Variants in ANK3 observed in about 807,000 individuals in gnomAD.
ANK3 encodes ankyrin 3, also known as ankyrin-3.
Under a neutral mutation model 370.9 loss-of-function variants are expected in ANK3, and 57 were observed. The observed-to-expected ratio is 0.15, with a 90% confidence interval of 0.12 to 0.19. The LOEUF (loss-of-function observed/expected upper bound fraction) is 0.19, where lower values mean the gene tolerates loss of function less well. Among genes scored for constraint, ANK3 ranks in the 10% least tolerant of loss-of-function variants. The pLI is 1.00. For missense variants in ANK3, 4,439 were observed against 5,302.1 expected, an observed-to-expected ratio of 0.84 and a Z score of 5.06; for synonymous variants, 1,929 against 1,946.3, an observed-to-expected ratio of 0.99 and a Z score of 0.23.
chr10:60,251,312 G>A (rs942574865), intron 7 of ANK3, among the ~76,000 whole-genome samples: 3 of 152,086 alleles, frequency 2.0e-5, no homozygotes, highest in African/African-American at 2.4e-5. Flanking sequence ...ACTTTCTGAG[G>A]AGCATCTCAG....
At chr10:60,053,819 A>G (rs1424110848) in intron 42 of ANK3, 14 of 1,029,466 alleles carry the variant, frequency 1.4e-5, no homozygotes, top group African/African-American at 1.7e-5. Context: ...TATAGCCACA[A>G]ACGATACATC....
chr10:60,040,418 T>C (rs553074770), intron 43 of ANK3, among the ~76,000 whole-genome samples: 20 of 152,190 alleles, frequency 1.3e-4, no homozygotes, highest in Non-Finnish European at 2.8e-4. Context: ...ACTCATTCCC[T>C]AAGTTCACTT....
chr10:60,136,228 A>G (rs940776461), intron 24 of ANK3, among the ~76,000 whole-genome samples: 1 of 152,100 alleles, frequency 6.6e-6, no homozygotes, highest in East Asian at 1.9e-4. Context: ...ACTTTATCCT[A>G]TGAAGGGGAT....
intron 1 of ANK3, among the ~76,000 whole-genome samples, chr10:60,282,174 T>C (rs2098173006): frequency 6.6e-6 from 1 of 152,160 alleles, no homozygotes; most frequent in South Asian, 2.1e-4. Flanking sequence ...TCTGCCTGGA[T>C]ATTTCAACTG....
chr10:60,213,739 G>A lies in ANK3; in HGVS notation c.898-229C>T, dbSNP rs11819367. Among the ~76,000 whole-genome samples the A allele has an allele frequency of 8.2e-3, 1,244 of 152,182 alleles. 15 individuals are homozygous for A. Among genetic ancestry groups the A allele is most frequent in the South Asian group, 0.022 (108 of 4,820 alleles). ...ATTTCCCACAAGTTTGAATATTGAC[G>A]TTTAAATATATAACTTTTCCACTAG... is the stretch of plus-strand genomic sequence containing the variant. On this transcript the variant is annotated intron_variant, in intron 8 of 43. Transcript: ENST00000280772.
chr10:60,551,228 C>T (rs554094464), intron 2 of ANK3, among the ~76,000 whole-genome samples: 1 of 152,136 alleles, frequency 6.6e-6, no homozygotes, highest in Admixed American at 6.5e-5. Context: ...AATGAAAAGG[C>T]ATGGTCAATA....
intron 18 of ANK3, among the ~76,000 whole-genome samples, chr10:60,175,620 T>G (rs933248617): frequency 6.6e-6 from 1 of 151,854 alleles, no homozygotes; most frequent in African/African-American, 2.4e-5. Flanking sequence ...TGCATCCGAG[T>G]CTTTAACAGC....
At chr10:60,535,209 G>C (rs990490216) in intron 2 of ANK3, among the ~76,000 whole-genome samples, 1 of 152,056 alleles carries the variant, frequency 6.6e-6, no homozygotes, top group Admixed American at 6.6e-5. Flanking sequence ...TAATGTTTGC[G>C]GTTTCACAGT....
intron 8 of ANK3, among the ~76,000 whole-genome samples, chr10:60,224,723 G>C (rs2097111076): frequency 6.6e-6 from 1 of 151,962 alleles, no homozygotes; most frequent in Non-Finnish European, 1.5e-5. Context: ...AATTCAAGCA[G>C]AGAGAACTCT....
chr10:60,682,147 T>TA (rs903720690), intron 1 of ANK3, among the ~76,000 whole-genome samples: 34 of 151,874 alleles, frequency 2.2e-4, no homozygotes, highest in African/African-American at 7.0e-4. Flanking sequence ...ACTCTGCCTT[T>TA]AAAAAAAACA....
intron 1 of ANK3, among the ~76,000 whole-genome samples, chr10:60,288,612 G>A (rs1015708087): frequency 3.9e-5 from 6 of 152,144 alleles, no homozygotes; most frequent in African/African-American, 1.4e-4. Context: ...ATTGTGAATA[G>A]ACAGTCTCTA....
At chr10:60,110,786 G>A (rs1392030921) in intron 26 of ANK3, among the ~76,000 whole-genome samples, 1 of 152,150 alleles carries the variant, frequency 6.6e-6, no homozygotes, top group Non-Finnish European at 1.5e-5. Context: ...TTTTTCATTA[G>A]GAATAATAGT....
chr10:60,052,010 T>C (rs566427003), intron 42 of ANK3, among the ~76,000 whole-genome samples: 1 of 152,174 alleles, frequency 6.6e-6, no homozygotes, highest in Non-Finnish European at 1.5e-5. Context: ...TGGACTTCTA[T>C]GAAATTTTGG....
At chr10:60,333,031 T>C (rs1225425696) in intron 1 of ANK3, among the ~76,000 whole-genome samples, 4 of 152,192 alleles carry the variant, frequency 2.6e-5, no homozygotes, top group Non-Finnish European at 5.9e-5. Context: ...TATAAAAACA[T>C]ACAATTTTAT....
intron 2 of ANK3, among the ~76,000 whole-genome samples, chr10:60,483,113 A>G (rs2075266687): frequency 6.6e-6 from 1 of 152,164 alleles, no homozygotes. Context: ...AATAGTGTAA[A>G]TGGAAAATTA....
intron 2 of ANK3, among the ~76,000 whole-genome samples, chr10:60,516,628 A>C (rs962227294): frequency 6.6e-6 from 1 of 152,122 alleles, no homozygotes; most frequent in Non-Finnish European, 1.5e-5. Context: ...GGAGGAAAAA[A>C]AAATTAGGAG....
At chr10:60,679,660 G>A (rs371189488) in intron 1 of ANK3, among the ~76,000 whole-genome samples, 1 of 152,156 alleles carries the variant, frequency 6.6e-6, no homozygotes, top group Non-Finnish European at 1.5e-5. Context: ...CCTACCCCAA[G>A]AAAGAATCAG....
chr10:60,578,378 A>C (rs1395405791), intron 2 of ANK3, among the ~76,000 whole-genome samples: 1 of 152,186 alleles, frequency 6.6e-6, no homozygotes, highest in Non-Finnish European at 1.5e-5. Context: ...CTAGAGGCCC[A>C]GTGATATTTA....
chr10:60,292,620 C>T (rs543929926), intron 1 of ANK3, among the ~76,000 whole-genome samples: 4 of 152,092 alleles, frequency 2.6e-5, no homozygotes, highest in South Asian at 4.1e-4. Context: ...TGCCAGCCTT[C>T]CCAAAAATAC....
Sources: gnomAD v4.1 joint callset for allele counts (sites outside exome capture counted in the v4.1 genomes callset) on GRCh38, gnomAD v4.1.1 for gene constraint, MANE v1.5 for transcripts, NCBI Gene and HGNC (gene_info 2026-07-23, HGNC 2026-07-21) for gene names.